UBE2V2: variants seen among roughly 807,000 people sequenced by gnomAD.
UBE2V2 encodes the protein ubiquitin conjugating enzyme E2 V2.
A neutral mutation model predicts 17.2 loss-of-function variants in UBE2V2; 9 were observed. The observed-to-expected ratio is 0.52, with a 90% CI of 0.32 to 0.91. The LOEUF (loss-of-function observed/expected upper bound fraction) is 0.91. Ranked by LOEUF, UBE2V2 falls within the 40% of genes least tolerant of loss-of-function variation. The pLI is 0.04. For synonymous variants in UBE2V2, 61 were observed against 57.5 expected (o/e 1.06, Z -0.28); for missense variants, 133 against 182.6 (o/e 0.73, Z 1.56).
intron 1 of UBE2V2, among the ~76,000 whole-genome samples, chr8:48,011,734 G>T (rs1185868167): frequency 2.6e-5 from 4 of 152,170 alleles, no homozygotes; most frequent in Admixed American, 2.0e-4. Flanking sequence ...GCTCACTGCA[G>T]CCTCGACCTG....
At chr8:48,007,941 G>T (rs2091196045), upstream of UBE2V2, among the ~76,000 whole-genome samples, 5 of 151,568 alleles carry the variant, frequency 3.3e-5, no homozygotes, top group Admixed American at 3.3e-4. Context: ...TTATTTTTTT[G>T]AGGCGGAGTC....
rs374308374 is a variant in UBE2V2 at position 48,059,036 on chromosome 8, G to A, written c.292-1646G>A. On this transcript the variant is annotated intron_variant, in intron 3 of 3. Transcript: ENST00000523111. Reference sequence around the variant, plus strand: ...ATTATCCTGCCTCAACCTCCTGAGTGGGTGGGACTGCAGGTGCACACCACC... The same window carrying A: ...ATTATCCTGCCTCAACCTCCTGAGTAGGTGGGACTGCAGGTGCACACCACC... 3.8e-3 allele frequency among the ~76,000 whole-genome samples: 578 copies of A among 151,756 alleles called. 4 individuals carry two copies. Among genetic ancestry groups the A allele is most frequent in the South Asian group, 0.025 (118 of 4,802 alleles).
upstream of UBE2V2, among the ~76,000 whole-genome samples, chr8:48,003,888 G>C (rs1366876574): frequency 6.6e-6 from 1 of 152,198 alleles, no homozygotes; most frequent in Non-Finnish European, 1.5e-5. Context: ...GTGCACCTGA[G>C]AGGCGGCTTG....
intron 3 of UBE2V2, 94 bp downstream of exon 3, chr8:48,050,072 A>T (rs1280879172): frequency 1.1e-6 from 1 of 922,306 alleles, no homozygotes; most frequent in African/African-American, 1.7e-5. Context: ...AGATATTAAT[A>T]TGTAGTTAGG....
At chr8:48,058,824 C>T (rs2091591046) in intron 3 of UBE2V2, among the ~76,000 whole-genome samples, 1 of 151,482 alleles carries the variant, frequency 6.6e-6, no homozygotes, top group African/African-American at 2.4e-5. Context: ...GGTTTTTGTT[C>T]TCTGTTCTGT....
chr8:48,020,996 C>T (rs2091300924), intron 1 of UBE2V2, among the ~76,000 whole-genome samples: 1 of 151,672 alleles, frequency 6.6e-6, no homozygotes, highest in African/African-American at 2.4e-5. Flanking sequence ...CTTCTCCCAC[C>T]TTGGGCTCCA....
At chr8:48,009,887 T>C (rs1368367488) in intron 1 of UBE2V2, among the ~76,000 whole-genome samples, 2 of 152,188 alleles carry the variant, frequency 1.3e-5, no homozygotes, top group Non-Finnish European at 2.9e-5. Context: ...AAAGTGGAAT[T>C]TTAGTGTTAT....
chr8:48,038,825 G>A (rs942920300), intron 1 of UBE2V2, among the ~76,000 whole-genome samples: 1 of 151,726 alleles, frequency 6.6e-6, no homozygotes, highest in Admixed American at 6.6e-5. Flanking sequence ...GGGTTTCACT[G>A]TGTTGACCAG....
chr8:48,035,357 G>A (rs2091415183), intron 1 of UBE2V2, among the ~76,000 whole-genome samples: 1 of 151,838 alleles, frequency 6.6e-6, no homozygotes, highest in Non-Finnish European at 1.5e-5. Flanking sequence ...CTAACCTCAG[G>A]TGATATACCC....
chr8:48,052,640 T>C (rs139256244), intron 3 of UBE2V2, among the ~76,000 whole-genome samples: 89 of 152,344 alleles, frequency 5.8e-4, no homozygotes, highest in African/African-American at 2.0e-3. Flanking sequence ...GATTCTACTT[T>C]TTAAAATCCC....
chr8:48,031,976 C>G (rs909014276), intron 1 of UBE2V2, among the ~76,000 whole-genome samples: 4 of 152,074 alleles, frequency 2.6e-5, no homozygotes, highest in Non-Finnish European at 5.9e-5. Context: ...TATATTTCAT[C>G]AATTCTAAAA....
At chr8:48,002,168 T>G in the UBE2V2 span, among the ~76,000 whole-genome samples, 2 of 151,956 alleles carry the variant, frequency 1.3e-5, no homozygotes, top group Non-Finnish European at 2.9e-5. Context: ...TAATTAAAGG[T>G]CGTACCTCTT....
intron 1 of UBE2V2, among the ~76,000 whole-genome samples, chr8:48,032,885 T>G (rs1420659607): frequency 6.6e-6 from 1 of 152,148 alleles, no homozygotes; most frequent in African/African-American, 2.4e-5. Context: ...GTGGGGGTTA[T>G]GGGCCCAGTT....
At chr8:48,046,003 A>G (rs766702391) in intron 2 of UBE2V2, among the ~76,000 whole-genome samples, 6 of 152,138 alleles carry the variant, frequency 3.9e-5, no homozygotes, top group East Asian at 3.8e-4. Flanking sequence ...CTAAAGTGCA[A>G]TGGTGTAATC....
chr8:48,053,383 C>CTT (rs1163710575), intron 3 of UBE2V2, among the ~76,000 whole-genome samples: 1 of 150,964 alleles, frequency 6.6e-6, no homozygotes, highest in African/African-American at 2.4e-5. Context: ...CTAGCTTTGT[C>CTT]AAATGTTAAC....
chr8:48,003,745 G>T (rs1461373242), upstream of UBE2V2, among the ~76,000 whole-genome samples: 1 of 152,156 alleles, frequency 6.6e-6, no homozygotes, highest in African/African-American at 2.4e-5. Flanking sequence ...TTAATGAAAA[G>T]ACAAGAAAAA....
chr8:48,000,657 T>C, the UBE2V2 span, among the ~76,000 whole-genome samples: 1 of 151,548 alleles, frequency 6.6e-6, no homozygotes, highest in East Asian at 1.9e-4. Flanking sequence ...CTGTCTCTAC[T>C]AAAAATACAA....
At chr8:48,028,320 A>G (rs867505071) in intron 1 of UBE2V2, among the ~76,000 whole-genome samples, 3 of 148,256 alleles carry the variant, frequency 2.0e-5, no homozygotes, top group South Asian at 2.1e-4. Context: ...GGTGTGTGCC[A>G]CCACACCCGG....
At chr8:48,048,192 G>T (rs1007901000) in intron 2 of UBE2V2, among the ~76,000 whole-genome samples, 2 of 152,144 alleles carry the variant, frequency 1.3e-5, no homozygotes, top group Non-Finnish European at 2.9e-5. Flanking sequence ...TTGGTAAGTA[G>T]GGTCATGTAG....
Sources: allele counts gnomAD v4.1 joint callset (sites outside exome capture counted in the v4.1 genomes callset), GRCh38; gene constraint gnomAD v4.1.1; transcripts MANE v1.5; gene names NCBI Gene and HGNC (gene_info 2026-07-23, HGNC 2026-07-21).